Variants in ROBO2 observed in about 807,000 individuals in gnomAD.
ROBO2 encodes the protein roundabout homolog 2.
Under a neutral mutation model 160.8 loss-of-function variants are expected in ROBO2, and 53 were observed. The ratio of observed to expected loss-of-function variants is 0.33; its 90% CI spans 0.26 to 0.41. The LOEUF (loss-of-function observed/expected upper bound fraction) is 0.41. Ranked by LOEUF, ROBO2 falls within the 10% of genes least tolerant of loss-of-function variation. ROBO2 has a pLI of 1.00. For missense variants in ROBO2, 1,577 were observed against 1,722.4 expected (o/e 0.92, Z 1.49); for synonymous variants, 664 against 611.7 (o/e 1.09, Z -1.26).
At chr3:77,306,963 A>G (rs1262456645) in intron 2 of ROBO2, among the ~76,000 whole-genome samples, 1 of 152,210 alleles carries the variant, frequency 6.6e-6, no homozygotes, top group East Asian at 1.9e-4. Context: ...TTCATTTTTC[A>G]TTCTAGTTAT....
At chr3:75,961,601 C>A (rs2107280240) in intron 2 of ROBO2, among the ~76,000 whole-genome samples, 1 of 151,642 alleles carries the variant, frequency 6.6e-6, no homozygotes, top group South Asian at 2.1e-4. Context: ...ATGTTTGGGG[C>A]TGGGTCAGGG....
At chr3:76,996,546 A>G (rs142890205) in intron 2 of ROBO2, among the ~76,000 whole-genome samples, 1 of 152,142 alleles carries the variant, frequency 6.6e-6, no homozygotes, top group Non-Finnish European at 1.5e-5. Context: ...CTTGGACGGT[A>G]TGGCTATTTT....
chr3:76,278,485 T>C (rs1469121784), intron 2 of ROBO2, among the ~76,000 whole-genome samples: 1 of 152,036 alleles, frequency 6.6e-6, no homozygotes, highest in African/African-American at 2.4e-5. Flanking sequence ...CTAATAAATA[T>C]CCTTAGTTTC....
chr3:76,981,390 G>T (rs1448595563), intron 2 of ROBO2, among the ~76,000 whole-genome samples: 1 of 152,084 alleles, frequency 6.6e-6, no homozygotes, highest in East Asian at 1.9e-4. Flanking sequence ...GTTGTGAAGT[G>T]ATATCTCATT....
chr3:76,664,167 A>C (rs1050492648), intron 2 of ROBO2, among the ~76,000 whole-genome samples: 3 of 152,190 alleles, frequency 2.0e-5, no homozygotes, highest in Non-Finnish European at 4.4e-5. Context: ...ATTGTGTAAA[A>C]GGGGTTGATA....
chr3:77,123,917 AG>A (rs2075052059), intron 2 of ROBO2, among the ~76,000 whole-genome samples: 1 of 143,648 alleles, frequency 7.0e-6, no homozygotes. Flanking sequence ...ATAGATATAT[AG>A]ATTATCTATA....
intron 2 of ROBO2, among the ~76,000 whole-genome samples, chr3:76,725,346 C>T (rs2093533932): frequency 6.6e-6 from 1 of 152,136 alleles, no homozygotes; most frequent in African/African-American, 2.4e-5. Context: ...ATTGTCCTTG[C>T]ACAAATGACT....
intron 2 of ROBO2, among the ~76,000 whole-genome samples, chr3:76,159,995 C>T (rs977418749): frequency 4.6e-5 from 7 of 152,096 alleles, no homozygotes; most frequent in African/African-American, 1.7e-4. Context: ...GAGCCAGGAA[C>T]GTTGTTGTGG....
At chr3:76,077,289 G>A (rs1248145923) in intron 2 of ROBO2, among the ~76,000 whole-genome samples, 1 of 152,152 alleles carries the variant, frequency 6.6e-6, no homozygotes, top group Non-Finnish European at 1.5e-5. Context: ...GAGGCCGGGT[G>A]AAGTGGCTCA....
intron 2 of ROBO2, among the ~76,000 whole-genome samples, chr3:77,318,293 C>G (rs1050530046): frequency 2.6e-5 from 4 of 152,156 alleles, no homozygotes; most frequent in Non-Finnish European, 5.9e-5. Flanking sequence ...CTCAGTCTCC[C>G]AAAGTACTGG....
At chr3:77,278,976 AG>A (rs1313112030) in intron 2 of ROBO2, among the ~76,000 whole-genome samples, 1 of 152,142 alleles carries the variant, frequency 6.6e-6, no homozygotes, top group Non-Finnish European at 1.5e-5. Context: ...TCACCTTCAC[AG>A]CAGCATTTTC....
At chr3:77,054,442 A>G (rs984641626) in intron 1 of ROBO2, among the ~76,000 whole-genome samples, 11 of 152,178 alleles carry the variant, frequency 7.2e-5, no homozygotes, top group Non-Finnish European at 1.5e-4. Context: ...GTGGAAGTCA[A>G]GGGTCTTCCT....
chr3:77,098,123 G>T lies in ROBO2; in HGVS notation c.171G>T (p.Arg57=), dbSNP rs752240818. The T allele has an allele frequency of 6.2e-5, 100 of 1,614,180 alleles. No homozygotes were observed. In the Admixed American group the frequency reaches 1.6e-3, roughly 26 times the overall value. The change falls in exon 2 of 26, where the codon CGG becomes CGT. Residue 57 remains arginine (R), a synonymous_variant. Transcript: ENST00000461745. ...CTCTGAACTGCAAGGCGGAGGGCCG[G>T]CCAACGCCCACCATTGAGTGGTACA... is the stretch of plus-strand genomic sequence containing the variant.
At chr3:76,804,246 T>G (rs538585358) in intron 2 of ROBO2, among the ~76,000 whole-genome samples, 1 of 152,308 alleles carries the variant, frequency 6.6e-6, no homozygotes, top group African/African-American at 2.4e-5. Context: ...AAGGGAACCT[T>G]CTCTGAGAGA....
At chr3:77,051,981 C>G (rs971162503) in intron 1 of ROBO2, among the ~76,000 whole-genome samples, 3 of 152,170 alleles carry the variant, frequency 2.0e-5, no homozygotes, top group African/African-American at 2.4e-5. Context: ...TTTACTGAAC[C>G]CTTTTTGATA....
chr3:76,196,428 C>G (rs1461493116), intron 2 of ROBO2, among the ~76,000 whole-genome samples: 1 of 152,064 alleles, frequency 6.6e-6, no homozygotes, highest in Admixed American at 6.6e-5. Context: ...ATATATTTCT[C>G]AAGAATTCCT....
At chr3:76,541,927 T>C (rs2082841402) in intron 2 of ROBO2, among the ~76,000 whole-genome samples, 1 of 152,202 alleles carries the variant, frequency 6.6e-6, no homozygotes. Flanking sequence ...ACTTCCTTCT[T>C]GAGAAAATAA....
intron 2 of ROBO2, among the ~76,000 whole-genome samples, chr3:77,297,474 C>A (rs1213765482): frequency 6.6e-6 from 1 of 152,090 alleles, no homozygotes; most frequent in African/African-American, 2.4e-5. Context: ...GCACTCCCTT[C>A]ACAGAATAGA....
intron 1 of ROBO2, among the ~76,000 whole-genome samples, chr3:77,090,253 A>T (rs1189739651): frequency 6.6e-6 from 1 of 150,658 alleles, no homozygotes; most frequent in African/African-American, 2.4e-5. Context: ...AGAAAAAAAT[A>T]CTACACTGAA....
Sources: allele counts gnomAD v4.1 joint callset (sites outside exome capture counted in the v4.1 genomes callset), GRCh38; gene constraint gnomAD v4.1.1; transcripts MANE v1.5; gene names NCBI Gene and HGNC (gene_info 2026-07-23, HGNC 2026-07-21).